Variants in KANK1 observed in about 807,000 individuals in gnomAD.
The protein encoded by KANK1 is KN motif and ankyrin repeat domain-containing protein 1.
A neutral mutation model predicts 106.2 loss-of-function variants in KANK1; 109 were observed. That is an observed-to-expected ratio of 1.03 (90% CI 0.88 to 1.20). The LOEUF is 1.20. Ranked by LOEUF, KANK1 falls within the 50% of genes most tolerant of loss-of-function variation. The pLI is 0.00. For missense variants in KANK1, 2,399 were observed against 1,710.7 expected (o/e 1.40, Z -7.10); for synonymous variants, 873 against 652.2 (o/e 1.34, Z -5.16).
chr9:553,007 C>T (rs1002560018), intron 1 of KANK1, among the ~76,000 whole-genome samples: 2 of 152,042 alleles, frequency 1.3e-5, no homozygotes, highest in Non-Finnish European at 2.9e-5. Context: ...TTATCCAGGC[C>T]TGGTGGCACA....
At chr9:524,257 CT>C (rs1216915925) in intron 1 of KANK1, among the ~76,000 whole-genome samples, 4 of 151,520 alleles carry the variant, frequency 2.6e-5, no homozygotes, top group African/African-American at 9.8e-5. Context: ...CTTCCTTTCC[CT>C]TTTCCCCAGC....
At chr9:502,176 C>T (rs1331592779), upstream of KANK1, among the ~76,000 whole-genome samples, 2 of 152,080 alleles carry the variant, frequency 1.3e-5, no homozygotes, top group Non-Finnish European at 2.9e-5. Flanking sequence ...TAGTGGTAGC[C>T]AGCGGCTGGG....
intron 1 of KANK1, among the ~76,000 whole-genome samples, chr9:521,674 C>A (rs1006943806): frequency 6.8e-6 from 1 of 147,342 alleles, no homozygotes; most frequent in South Asian, 2.2e-4. Context: ...TCAAGCGATT[C>A]TCCTGCCTCA....
At position 605,738 on chromosome 9, in the gene KANK1, A is replaced by G. The variant is rs1588180337; in HGVS notation, c.-83-71152A>G. On this transcript the variant is annotated intron_variant, in intron 1 of 11. Transcript: ENST00000382297. ...CTGGGGATGTTGAGGAGGGGAAAGA[A>G]GGGGGATAGAGATGGAGACCACCCA... Among the ~76,000 whole-genome samples, 3 of 151,730 alleles carry G rather than the reference A, an allele frequency of 2.0e-5. No homozygotes were observed. The East Asian group carries it at 5.8e-4, about 29-fold the overall frequency.
chr9:509,974 CTT>C (rs113370848), intron 1 of KANK1, among the ~76,000 whole-genome samples: 280 of 143,096 alleles, frequency 2.0e-3, no homozygotes, highest in African/African-American at 5.6e-3. Context: ...CTAATTTTTC[CTT>C]TTTTTTTTTT....
At position 742,295 on chromosome 9, in the gene KANK1, C is replaced by T. The variant is rs1195121108; in HGVS notation, c.3787C>T (p.Gln1263Ter). Residue 1263 changes from glutamine (Q) to a stop codon, truncating the protein, a stop_gained, in exon 10 of 12, where the codon CAG becomes TAG. Coordinates refer to ENST00000382297, the MANE Select transcript of KANK1 (RefSeq NM_015158.5). LOFTEE classifies it high-confidence loss of function. Reference protein sequence around the residue: ...LLACGADVNIQDDEGSTALMC... With the variant: ...LLACGADVNI ...GGCCTGTGGGGCTGATGTCAACATCCAGGATGACGAGGGCTCCACGGCCCT... is the reference window on the plus strand; with the variant it reads ...GGCCTGTGGGGCTGATGTCAACATCTAGGATGACGAGGGCTCCACGGCCCT... 6.2e-7 allele frequency: 1 copy of T among 1,614,162 alleles called. No individual in the cohort carries two copies. Among genetic ancestry groups the T allele is most frequent in the Non-Finnish European group, 8.5e-7 (1 of 1,179,998 alleles).
chr9:676,764 AGTCT>A (rs1388248419), intron 1 of KANK1, 122 bp from the exon 2 acceptor site: 1 of 500,026 alleles, frequency 2.0e-6, no homozygotes, highest in African/African-American at 2.0e-5. Context: ...CTGGATCTAT[AGTCT>A]TTCTCCCCCC....
At chr9:615,943 C>G (rs1383869260) in intron 1 of KANK1, among the ~76,000 whole-genome samples, 2 of 152,126 alleles carry the variant, frequency 1.3e-5, no homozygotes, top group Non-Finnish European at 2.9e-5. Context: ...AGCATATGTT[C>G]AACAGCTGTG....
chr9:672,607 G>T (rs1443731907), intron 1 of KANK1, among the ~76,000 whole-genome samples: 1 of 152,144 alleles, frequency 6.6e-6, no homozygotes, highest in Admixed American at 6.5e-5. Flanking sequence ...TGATAGTTTA[G>T]CAGTGCTAGA....
intron 1 of KANK1, among the ~76,000 whole-genome samples, chr9:643,941 G>A (rs1054023487): frequency 4.0e-5 from 6 of 150,970 alleles, no homozygotes; most frequent in African/African-American, 1.5e-4. Context: ...GACTTCAGTT[G>A]AGGCACCCGC....
chr9:619,482 G>A (rs990626297), intron 1 of KANK1, among the ~76,000 whole-genome samples: 3 of 152,096 alleles, frequency 2.0e-5, no homozygotes, highest in Non-Finnish European at 2.9e-5. Flanking sequence ...TGAAAACATG[G>A]GAGTATTAAC....
chr9:629,632 A>G (rs1272920579), intron 1 of KANK1, among the ~76,000 whole-genome samples: 3 of 152,220 alleles, frequency 2.0e-5, no homozygotes, highest in East Asian at 3.8e-4. Context: ...AAGCAGAAAC[A>G]AATGATACCT....
chr9:731,471 C>G (rs767896710), intron 5 of KANK1: 1 of 427,484 alleles, frequency 2.3e-6, no homozygotes, highest in Non-Finnish European at 4.3e-6. Context: ...CTTAAGGATA[C>G]CTGATGAAGC....
chr9:525,011 G>C (rs1258371443), intron 1 of KANK1, among the ~76,000 whole-genome samples: 4 of 100,752 alleles, frequency 4.0e-5, no homozygotes, highest in African/African-American at 1.4e-4. Context: ...TTTTGAGGCA[G>C]AGTCTCACTC....
In KANK1 at chr9:712,984, A is replaced by G; in HGVS notation, c.2218A>G (p.Thr740Ala). 4 of 1,614,206 alleles carry G rather than the reference A, an allele frequency of 2.5e-6. No individual in the cohort carries two copies. The highest frequency in any genetic ancestry group is 3.4e-6 in the Non-Finnish European group (4 of 1,180,038). ...CAAGACGCGGTCCATTGGTGTTGGA[A>G]CGTTGCTTTCTGGCCATTCTGGGTT... ...STKTRSIGVG[T>A]LLSGHSGFDR... Residue 740 changes from threonine (T) to alanine (A), a missense_variant, in exon 3 of 12, where the codon ACG (threonine) becomes GCG (alanine). By Grantham distance (58) the Thr-to-Ala change is moderately conservative. Coordinates refer to ENST00000382297, the MANE Select transcript of KANK1 (RefSeq NM_015158.5).
chr9:577,185 C>A (rs10122441), intron 1 of KANK1, among the ~76,000 whole-genome samples: 1 of 152,050 alleles, frequency 6.6e-6, no homozygotes, highest in Admixed American at 6.5e-5. Flanking sequence ...AGCGGGTTGC[C>A]TCTGCTGGCT....
Position 689,265 on chromosome 9 carries a change from T to A in KANK1, c.37+12256T>A, listed in dbSNP as rs1475008996. Among the ~76,000 whole-genome samples, 3 of 152,158 alleles carry A rather than the reference T, an allele frequency of 2.0e-5. No homozygotes were observed. In the East Asian group the frequency reaches 5.8e-4, roughly 29 times the overall value. On this transcript the variant is annotated intron_variant, in intron 2 of 11. Transcript: ENST00000382297. ...ACTAGTTTTAAGCCTTCACATGTGT[T>A]TGGGGAAATGCGTTTGTTGAATAAA...
intron 1 of KANK1, among the ~76,000 whole-genome samples, chr9:619,327 G>C (rs1006693370): frequency 2.0e-5 from 3 of 152,156 alleles, no homozygotes; most frequent in African/African-American, 7.2e-5. Context: ...GGTAGAAGAG[G>C]GGGCAAGAGA....
chr9:679,073 T>C (rs918243471), intron 2 of KANK1, among the ~76,000 whole-genome samples: 1 of 152,208 alleles, frequency 6.6e-6, no homozygotes, highest in Non-Finnish European at 1.5e-5. Context: ...TAACTTTTCC[T>C]TCCCACCTGG....
Sources: allele counts gnomAD v4.1 joint callset (sites outside exome capture counted in the v4.1 genomes callset), GRCh38; gene constraint gnomAD v4.1.1; transcripts MANE v1.5; gene names NCBI Gene and HGNC (gene_info 2026-07-23, HGNC 2026-07-21).